SLC16A8: variants seen among roughly 807,000 people sequenced by gnomAD.
SLC16A8 encodes monocarboxylate transporter 3.
In SLC16A8, 20 loss-of-function variants were observed where a neutral mutation model predicts 22.4. The observed-to-expected ratio is 0.89, with a 90% confidence interval of 0.63 to 1.30. SLC16A8 has a LOEUF of 1.30. SLC16A8 is among the 50% of genes most tolerant of loss of function. The pLI is 0.00. For synonymous variants in SLC16A8, 393 were observed against 358.8 expected (o/e 1.10, Z -1.08); for missense variants, 817 against 740.3 (o/e 1.10, Z -1.20).
intron 4 of SLC16A8, 77 bp from the exon 5 acceptor site, chr22:38,081,756 C>G (rs541109969): frequency 6.9e-6 from 10 of 1,457,944 alleles, no homozygotes; most frequent in Non-Finnish European, 9.0e-6. Flanking sequence ...GGGCCAGGCC[C>G]GGGAACCCAG....
chr22:38,080,701 A>AACT, intron 5 of SLC16A8, 139 bp downstream of exon 5: 1 of 1,207,954 alleles, frequency 8.3e-7, no homozygotes, highest in East Asian at 2.7e-5. Context: ...AGGAGGGACT[A>AACT]ACTGGCCGTG....
chr22:38,078,516 A>G lies in SLC16A8; in HGVS notation c.1387T>C (p.Ser463Pro). 1.2e-6 allele frequency: 2 copies of G among 1,614,182 alleles called. No individual in the cohort carries two copies. The highest frequency in any genetic ancestry group is 1.1e-5 in the South Asian group (1 of 91,084). Residue 463 changes from serine to proline, a missense_variant, in exon 6 of 6, where the codon TCT becomes CCT. Physicochemically the swap from Ser to Pro is moderately conservative, Grantham distance 74. Transcript: ENST00000681075. ...TCTGCAACAACAGGCAGGGGCTCAGAGTCCCCTTCAGCCTCAGCGTCCTCA... is the reference window on the plus strand; with the variant it reads ...TCTGCAACAACAGGCAGGGGCTCAGGGTCCCCTTCAGCCTCAGCGTCCTCA... The part of the protein sequence containing the change: ...DTEDAEAEGD[S>P]EPLPVVAEEP...
chr22:38,078,306 C>T lies in SLC16A8; in HGVS notation c.*82G>A. The T allele has an allele frequency of 7.2e-7, 1 of 1,390,240 alleles. No individual in the cohort carries two copies. Among genetic ancestry groups the T allele is most frequent in the South Asian group, 1.3e-5 (1 of 74,838 alleles). The allele number at this position is 1,390,240 out of a possible 1,614,324, so 86.1% of individuals were successfully genotyped here. A position where few individuals can be genotyped will look rare whatever the true frequency, so the allele number is the denominator to read the frequency against. On this transcript the variant is annotated 3_prime_UTR_variant, in exon 6 of 6. Transcript: ENST00000681075. ...GACCCCGGGAGTGACCACCCCAGAC[C>T]AGCCTCCCAGCGTACCAGGCTCTCT...
intron 5 of SLC16A8, 81 bp from the exon 6 acceptor site, chr22:38,078,785 G>T: frequency 7.6e-7 from 1 of 1,311,704 alleles, no homozygotes; most frequent in Non-Finnish European, 1.1e-6. Context: ...CAGGTCAAGG[G>T]TGGTGCCACT....
At position 38,080,986 on chromosome 22, in the gene SLC16A8, A is replaced by T; in HGVS notation, c.1052T>A (p.Val351Asp). The change falls in exon 5 of 6, where the codon GTC becomes GAC. Residue 351 changes from valine to aspartate, a missense_variant. By Grantham distance (152) the Val-to-Asp change is radical. Coordinates refer to ENST00000681075, the MANE Select transcript of SLC16A8 (RefSeq NM_013356.3). ...CATGCCGTAGGAGAGGCCGAAGGCG[A>T]CGCAGAAGGCGACGAGGGCGCCGTA... Reference protein sequence around the residue: ...RSYGALVAFCVAFGLSYGMVG... With the variant: ...RSYGALVAFCDAFGLSYGMVG... 4 of 1,597,730 alleles carry T rather than the reference A, an allele frequency of 2.5e-6. No individual in the cohort carries two copies. Among genetic ancestry groups the T allele is most frequent in the Non-Finnish European group, 3.4e-6 (4 of 1,176,950 alleles).
intron 1 of SLC16A8, 132 bp from the exon 2 acceptor site, chr22:38,083,493 C>T (rs2085952713): frequency 6.6e-6 from 1 of 152,406 alleles, no homozygotes; most frequent in South Asian, 2.1e-4. Flanking sequence ...TCCCCTCTCC[C>T]AACCTCCCTT....
rs1429735543 is a variant in SLC16A8, at chr22:38,082,684, T to C, written c.190A>G (p.Met64Val). Reference sequence around the variant, plus strand: ...CCCGTGCCGTAGAGCATGGCTAGCATGATGGAGGACACCCAGGCCGTGTCG... The same window carrying C: ...CCCGTGCCGTAGAGCATGGCTAGCACGATGGAGGACACCCAGGCCGTGTCG... ...YSDTAWVSSI[M>V]LAMLYGTGPV... Residue 64 changes from methionine to valine, a missense_variant, in exon 3 of 6, where the codon ATG becomes GTG. Physicochemically the swap from Met to Val is conservative, Grantham distance 21. Coordinates refer to ENST00000681075, the MANE Select transcript of SLC16A8 (RefSeq NM_013356.3). 5 of 1,586,670 alleles carry C rather than the reference T, an allele frequency of 3.2e-6. No individual in the cohort carries two copies. The highest frequency in any genetic ancestry group is 1.3e-5 in the African/African-American group (1 of 74,570).
At chr22:38,079,331 G>A (rs1036276744) in intron 5 of SLC16A8, among the ~76,000 whole-genome samples, 12 of 152,162 alleles carry the variant, frequency 7.9e-5, no homozygotes, top group African/African-American at 2.9e-4. Context: ...TGCCCAGGCT[G>A]GTCCTGAACT....
At position 38,080,977 on chromosome 22, in the gene SLC16A8, C is replaced by G. The variant is rs1166316302; in HGVS notation, c.1061G>C (p.Gly354Ala). Reference protein sequence around the residue: ...GALVAFCVAFGLSYGMVGALQ... With the variant: ...GALVAFCVAFALSYGMVGALQ... ...CGCGCCCACCATGCCGTAGGAGAGG[C>G]CGAAGGCGACGCAGAAGGCGACGAG... The change falls in exon 5 of 6, where the codon GGC (glycine) becomes GCC (alanine). Residue 354 changes from glycine to alanine, a missense_variant. Transcript: ENST00000681075. 6.9e-6 allele frequency: 11 copies of G among 1,597,602 alleles called. No individual in the cohort carries two copies. Among genetic ancestry groups the G allele is most frequent in the Non-Finnish European group, 9.3e-6 (11 of 1,177,364 alleles).
intron 3 of SLC16A8, 129 bp from the exon 4 acceptor site, chr22:38,082,161 G>A (rs2085927955): frequency 8.8e-7 from 1 of 1,139,934 alleles, no homozygotes; most frequent in Non-Finnish European, 1.2e-6. Flanking sequence ...GCTTGGAGGG[G>A]ACAGGCCAAA....
rs2085946273 is a variant in SLC16A8, at chr22:38,083,101, C to T, written c.-68G>A. 1.0e-5 allele frequency: 6 copies of T among 572,398 alleles called. No individual in the cohort carries two copies. Among genetic ancestry groups the T allele is most frequent in the Non-Finnish European group, 1.6e-5 (5 of 320,194 alleles). 35.5% of individuals were successfully genotyped at this position (572,398 alleles called of 1,614,324 possible). ...GACGAGGGGAGGACGACGGGTCCCA[C>T]CTGACTCTGCACCTCTGCAGGCTCC... is the stretch of plus-strand genomic sequence containing the variant. On this transcript the variant is annotated 5_prime_UTR_variant, in exon 2 of 6. The change creates a new upstream start codon in the 5' untranslated region. Coordinates refer to ENST00000681075, the MANE Select transcript of SLC16A8 (RefSeq NM_013356.3).
In SLC16A8 at chr22:38,081,692, C is replaced by A. The variant is rs1455789817; in HGVS notation, c.359-13G>T. 1 of 1,494,594 alleles carries A rather than the reference C, an allele frequency of 6.7e-7. No homozygotes were observed. Among genetic ancestry groups the A allele is most frequent in the South Asian group, 1.3e-5 (1 of 76,240 alleles). The allele number at this position is 1,494,594 out of a possible 1,614,324, so 92.6% of individuals were successfully genotyped here. A position where few individuals can be genotyped will look rare whatever the true frequency, so the allele number is the denominator to read the frequency against. On this transcript the variant is annotated splice_polypyrimidine_tract_variant and intron_variant, in intron 4 of 5. Transcript: ENST00000681075. Reference sequence around the variant, plus strand: ...GCCAGGCCCAGGCCTGCGGGCGAGGCGGTGCTGTGCCGGGGTCCCCGGAGA... The same window carrying A: ...GCCAGGCCCAGGCCTGCGGGCGAGGAGGTGCTGTGCCGGGGTCCCCGGAGA...
At position 38,081,292 on chromosome 22, in the gene SLC16A8, G is replaced by C; in HGVS notation, c.746C>G (p.Thr249Ser). 1 of 1,565,344 alleles carries C rather than the reference G, an allele frequency of 6.4e-7. No individual in the cohort carries two copies. Among genetic ancestry groups the C allele is most frequent in the Non-Finnish European group, 8.7e-7 (1 of 1,154,878 alleles). ...GGCGTACACGGCGAAGGCGCGGTCGGTGCACACTGCCAAGTCCAGCAGGCG... is the reference window on the plus strand; with the variant it reads ...GGCGTACACGGCGAAGGCGCGGTCGCTGCACACTGCCAAGTCCAGCAGGCG... ...RRRLLDLAVCTDRAFAVYAVT... is the reference protein window; with the variant it reads ...RRRLLDLAVCSDRAFAVYAVT... Residue 249 changes from threonine (T) to serine (S), a missense_variant, in exon 5 of 6, where the codon ACC becomes AGC. Physicochemically the swap from Thr to Ser is moderately conservative, Grantham distance 58. Coordinates refer to ENST00000681075, the MANE Select transcript of SLC16A8 (RefSeq NM_013356.3).
At position 38,082,837 on chromosome 22, in the gene SLC16A8, G is replaced by C. The variant is rs1235779386; in HGVS notation, c.37C>G (p.Pro13Ala). 1.9e-6 allele frequency: 3 copies of C among 1,569,378 alleles called. No homozygotes were observed. The highest frequency in any genetic ancestry group is 1.3e-5 in the African/African-American group (1 of 74,484). ...ACCACCCAGCCCCAGCCGCCGTCTGGGGGGCCCTCGCCCCGCCGGGGGCCG... is the reference window on the plus strand; with the variant it reads ...ACCACCCAGCCCCAGCCGCCGTCTGCGGGGCCCTCGCCCCGCCGGGGGCCG... ...AGGPRRGEGP[P>A]DGGWGWVVLG... The change falls in exon 3 of 6, where the codon CCA (proline) becomes GCA (alanine). Residue 13 changes from proline (P) to alanine (A), a missense_variant. By Grantham distance (27) the Pro-to-Ala change is conservative (BLOSUM62 -1). Coordinates refer to ENST00000681075, the MANE Select transcript of SLC16A8 (RefSeq NM_013356.3).
At position 38,083,576 on chromosome 22, in the gene SLC16A8, C is replaced by G. The variant is rs145397524; in HGVS notation, c.-328-215G>C. Among the ~76,000 whole-genome samples the G allele has an allele frequency of 3.7e-3, 562 of 152,346 alleles. 1 individual carries two copies. Among genetic ancestry groups the G allele is most frequent in the African/African-American group, 0.013 (546 of 41,582 alleles). On this transcript the variant is annotated intron_variant, in intron 1 of 5. Transcript: ENST00000681075. ...ATCTTGCGGGAGAGGAGTCAGGTCT[C>G]TGGCTTCTGCCAGACAGGTAGGAAC...
intron 3 of SLC16A8, among the ~76,000 whole-genome samples, 188 bp downstream of exon 3, chr22:38,082,472 G>T (rs1055111859): frequency 6.6e-6 from 1 of 152,246 alleles, no homozygotes; most frequent in African/African-American, 2.4e-5. Flanking sequence ...CCCTGGGCCG[G>T]CCCCGCCTCT....
chr22:38,082,825 A>C lies in SLC16A8; in HGVS notation c.49T>G (p.Trp17Gly). 6.3e-7 allele frequency: 1 copy of C among 1,580,618 alleles called. No homozygotes were observed. Among genetic ancestry groups the C allele is most frequent in the Non-Finnish European group, 8.6e-7 (1 of 1,167,864 alleles). The change falls in exon 3 of 6, where the codon TGG becomes GGG. Residue 17 changes from tryptophan (W) to glycine (G), a missense_variant. Transcript: ENST00000681075. ...CAGGCGCCCAGCACCACCCAGCCCC[A>C]GCCGCCGTCTGGGGGGCCCTCGCCC... ...RRGEGPPDGG[W>G]GWVVLGACFV...
intron 5 of SLC16A8, among the ~76,000 whole-genome samples, chr22:38,079,812 C>T (rs536093539): frequency 6.6e-6 from 1 of 152,342 alleles, no homozygotes; most frequent in South Asian, 2.1e-4. Flanking sequence ...ACCTCCTCTG[C>T]CCATCAGATC....
At chr22:38,083,792 G>C (rs1258437542) in intron 1 of SLC16A8, among the ~76,000 whole-genome samples, 196 bp downstream of exon 1, 3 of 89,688 alleles carry the variant, frequency 3.3e-5, no homozygotes, top group Admixed American at 2.3e-4. Flanking sequence ...GCTGGGGATA[G>C]CCTCCTGCCC....
Sources: gnomAD v4.1 joint callset for allele counts (sites outside exome capture counted in the v4.1 genomes callset) on GRCh38, gnomAD v4.1.1 for gene constraint, MANE v1.5 for transcripts, NCBI Gene and HGNC (gene_info 2026-07-23, HGNC 2026-07-21) for gene names.